SULT1E1: variants seen among roughly 807,000 people sequenced by gnomAD.
SULT1E1 encodes the protein sulfotransferase family 1E member 1.
A neutral mutation model predicts 33.6 loss-of-function variants in SULT1E1; 36 were observed. The ratio of observed to expected loss-of-function variants is 1.07; its 90% CI spans 0.82 to 1.41. The LOEUF is 1.41. SULT1E1 is among the 40% of genes most tolerant of loss of function. SULT1E1 has a pLI of 0.00. For synonymous variants in SULT1E1, 121 were observed against 111.7 expected (o/e 1.08, Z -0.53); for missense variants, 371 against 345.7 (o/e 1.07, Z -0.58).
At chr4:69,842,961 C>T (rs186368310) in intron 7 of SULT1E1, among the ~76,000 whole-genome samples, 9 of 152,022 alleles carry the variant, frequency 5.9e-5, no homozygotes, top group Admixed American at 3.3e-4. Context: ...CTCAGCCTCC[C>T]GAGTAGCTGG....
intron 2 of SULT1E1, 52 bp downstream of exon 2, chr4:69,857,448 T>G: frequency 6.4e-7 from 1 of 1,559,732 alleles, no homozygotes; most frequent in Non-Finnish European, 8.6e-7. Context: ...TATTTACCAT[T>G]TACAGTGTGT....
chr4:69,828,905 G>A, the SULT1E1 span, among the ~76,000 whole-genome samples: 1 of 152,160 alleles, frequency 6.6e-6, no homozygotes, highest in East Asian at 1.9e-4. Flanking sequence ...TCAATGTACT[G>A]GAGCAAGACA....
intron 4 of SULT1E1, among the ~76,000 whole-genome samples, chr4:69,853,014 G>A (rs11573765): frequency 1.3e-3 from 198 of 152,178 alleles, no homozygotes; most frequent in African/African-American, 4.6e-3. Context: ...GACGTATATC[G>A]TCTATCTAGG....
intron 2 of SULT1E1, among the ~76,000 whole-genome samples, chr4:69,857,041 C>T (rs896231435): frequency 2.7e-5 from 4 of 149,100 alleles, no homozygotes; most frequent in Non-Finnish European, 4.4e-5. Flanking sequence ...AATATGAATT[C>T]GGACTAGTCT....
At position 69,854,204 on chromosome 4, in the gene SULT1E1, T is replaced by C. The variant is rs762130314; in HGVS notation, c.369+13A>G. 1 of 1,602,810 alleles carries C rather than the reference T, an allele frequency of 6.2e-7. No homozygotes were observed. The highest frequency in any genetic ancestry group is 1.7e-5 in the Admixed American group (1 of 59,536). On this transcript the variant is annotated intron_variant, in intron 4 of 7. Coordinates refer to ENST00000226444, the MANE Select transcript of SULT1E1 (RefSeq NM_005420.3). ...AATTGGATGAAGTTTTGAGAACACT[T>C]GACTCTGGTTACCTTACAATCCTTT...
intron 6 of SULT1E1, among the ~76,000 whole-genome samples, chr4:69,846,737 T>A (rs1720985196): frequency 6.6e-6 from 1 of 151,754 alleles, no homozygotes; most frequent in Non-Finnish European, 1.5e-5. Context: ...ATCAACAGTG[T>A]GTTACTTTTC....
intron 4 of SULT1E1, among the ~76,000 whole-genome samples, chr4:69,852,050 C>G (rs1410423043): frequency 6.6e-6 from 1 of 151,998 alleles, no homozygotes; most frequent in East Asian, 1.9e-4. Context: ...GTGCAGGATA[C>G]CAACATGGCA....
intron 2 of SULT1E1, among the ~76,000 whole-genome samples, chr4:69,855,883 A>G (rs1279685867): frequency 6.6e-6 from 1 of 152,208 alleles, no homozygotes; most frequent in Non-Finnish European, 1.5e-5. Context: ...AGTCAGTGAC[A>G]TTGTTCAATA....
intron 4 of SULT1E1, among the ~76,000 whole-genome samples, chr4:69,853,856 C>A (rs1578105916): frequency 6.6e-6 from 1 of 152,164 alleles, no homozygotes; most frequent in East Asian, 1.9e-4. Flanking sequence ...ACAACAAATA[C>A]AAAAGTAGCT....
chr4:69,849,829 T>G (rs1393395453), intron 4 of SULT1E1, among the ~76,000 whole-genome samples: 1 of 151,992 alleles, frequency 6.6e-6, no homozygotes, highest in African/African-American at 2.4e-5. Flanking sequence ...CATTTGAGTG[T>G]TGTAAATTTT....
intron 6 of SULT1E1, among the ~76,000 whole-genome samples, 158 bp downstream of exon 6, chr4:69,847,540 C>T (rs1233803937): frequency 6.6e-6 from 1 of 151,624 alleles, no homozygotes; most frequent in Non-Finnish European, 1.5e-5. Context: ...AGCTTCAAAT[C>T]TATGCTAAAG....
chr4:69,836,382 A>C (rs949209748), downstream of SULT1E1, among the ~76,000 whole-genome samples: 36 of 152,206 alleles, frequency 2.4e-4, no homozygotes, highest in African/African-American at 8.2e-4. Flanking sequence ...TTTTCATCTT[A>C]TAGAGACATT....
At chr4:69,851,527 G>T (rs1408822582) in intron 4 of SULT1E1, among the ~76,000 whole-genome samples, 1 of 152,192 alleles carries the variant, frequency 6.6e-6, no homozygotes, top group Non-Finnish European at 1.5e-5. Flanking sequence ...CTGTTGATGG[G>T]ACTGTAAACT....
chr4:69,859,379 G>A (rs2091597), intron 1 of SULT1E1, among the ~76,000 whole-genome samples: 36,556 of 151,934 alleles, frequency 0.24, 5,536 homozygotes, highest in South Asian at 0.43. Context: ...GGTGGATATA[G>A]ATACATAGGG....
chr4:69,859,012 C>A (rs1464638318), intron 1 of SULT1E1, among the ~76,000 whole-genome samples: 1 of 152,056 alleles, frequency 6.6e-6, no homozygotes, highest in South Asian at 2.1e-4. Context: ...AATAAAATAT[C>A]TTTTCTCATT....
At chr4:69,848,691 C>T (rs184323690) in intron 5 of SULT1E1, among the ~76,000 whole-genome samples, 2 of 152,016 alleles carry the variant, frequency 1.3e-5, no homozygotes, top group East Asian at 3.9e-4. Context: ...GCAACAAACA[C>T]AAAGCACATA....
At chr4:69,849,328 A>G in intron 5 of SULT1E1, 109 bp downstream of exon 5, 1 of 1,333,356 alleles carries the variant, frequency 7.5e-7, no homozygotes, top group African/African-American at 1.5e-5. Context: ...TGTTTTAACT[A>G]TGAATCAGGG....
At chr4:69,831,823 C>T in the SULT1E1 span, among the ~76,000 whole-genome samples, 1 of 152,118 alleles carries the variant, frequency 6.6e-6, no homozygotes, top group Non-Finnish European at 1.5e-5. Context: ...TGTCACTAGC[C>T]CAGGTCGGTC....
intron 6 of SULT1E1, among the ~76,000 whole-genome samples, chr4:69,845,972 C>G (rs1383799107): frequency 6.7e-6 from 1 of 150,048 alleles, no homozygotes; most frequent in Non-Finnish European, 1.5e-5. Flanking sequence ...TAAATGCTCA[C>G]CAAAAACACT....
Sources: gnomAD v4.1 joint callset for allele counts (sites outside exome capture counted in the v4.1 genomes callset) on GRCh38, gnomAD v4.1.1 for gene constraint, MANE v1.5 for transcripts, NCBI Gene and HGNC (gene_info 2026-07-23, HGNC 2026-07-21) for gene names.